Variants in CADM2 observed in about 807,000 individuals in gnomAD.
CADM2 encodes the protein immunoglobulin superfamily member 4D.
CADM2 carries 12 observed loss-of-function variants against 49.8 expected under a neutral mutation model. The ratio of observed to expected loss-of-function variants is 0.24; its 90% CI spans 0.15 to 0.39. The LOEUF (loss-of-function observed/expected upper bound fraction) is 0.39, where lower values mean the gene tolerates loss of function less well. CADM2 is among the 10% of genes least tolerant of loss of function. The probability of loss-of-function intolerance (pLI) is 1.00; values close to 1 mark genes in which losing one functional copy is unlikely to be tolerated. For missense variants in CADM2, 378 were observed against 492.3 expected, an observed-to-expected ratio of 0.77 and a Z score of 2.20; for synonymous variants, 214 against 175.4, an observed-to-expected ratio of 1.22 and a Z score of -1.74.
At chr3:85,237,937 T>A (rs2042443822) in intron 1 of CADM2, among the ~76,000 whole-genome samples, 1 of 151,896 alleles carries the variant, frequency 6.6e-6, no homozygotes. Context: ...TTGGAAAGTA[T>A]CTTGGTTTCT....
At chr3:85,304,004 T>TA in intron 1 of CADM2, among the ~76,000 whole-genome samples, 1 of 152,016 alleles carries the variant, frequency 6.6e-6, no homozygotes, top group Middle Eastern at 3.4e-3. Flanking sequence ...ACAAAAGTCT[T>TA]AGAGATACAG....
chr3:85,115,189 C>A (rs2107578358), intron 1 of CADM2, among the ~76,000 whole-genome samples: 1 of 152,254 alleles, frequency 6.6e-6, no homozygotes, highest in South Asian at 2.1e-4. Flanking sequence ...TGCTACCCTA[C>A]AAGGTCTGAT....
chr3:85,511,150 G>T (rs774705905), intron 1 of CADM2, among the ~76,000 whole-genome samples: 1 of 152,032 alleles, frequency 6.6e-6, no homozygotes, highest in Non-Finnish European at 1.5e-5. Flanking sequence ...TCACCCCTAG[G>T]AAGGGACCAA....
chr3:85,762,397 C>T (rs1279402245), intron 2 of CADM2, among the ~76,000 whole-genome samples: 1 of 152,050 alleles, frequency 6.6e-6, no homozygotes, highest in Non-Finnish European at 1.5e-5. Context: ...ACATTAATTT[C>T]ACAAATTTGA....
At chr3:85,436,960 C>T (rs2036960095) in intron 1 of CADM2, among the ~76,000 whole-genome samples, 1 of 152,144 alleles carries the variant, frequency 6.6e-6, no homozygotes, top group Non-Finnish European at 1.5e-5. Context: ...TAGTATCATA[C>T]AGAACATTTT....
intron 3 of CADM2, among the ~76,000 whole-genome samples, chr3:85,856,390 T>C (rs1221821228): frequency 1.3e-5 from 2 of 152,198 alleles, no homozygotes; most frequent in South Asian, 2.1e-4. Flanking sequence ...AACGGATCTA[T>C]TGGATTTTGG....
chr3:85,999,529 G>A (rs1729879716), intron 8 of CADM2, among the ~76,000 whole-genome samples: 1 of 141,268 alleles, frequency 7.1e-6, no homozygotes. Context: ...AAAGAAAGAA[G>A]GAAGGAAGGA....
At chr3:85,967,593 T>C (rs992091156) in intron 8 of CADM2, among the ~76,000 whole-genome samples, 11 of 151,684 alleles carry the variant, frequency 7.3e-5, no homozygotes, top group African/African-American at 2.4e-4. Flanking sequence ...CATGTATTCA[T>C]GTCATGATTA....
At chr3:85,646,760 C>G (rs1177184385) in intron 1 of CADM2, among the ~76,000 whole-genome samples, 5 of 151,824 alleles carry the variant, frequency 3.3e-5, no homozygotes, top group Non-Finnish European at 1.5e-5. Context: ...TACTTGAAAA[C>G]TAGGCCAGAT....
intron 1 of CADM2, among the ~76,000 whole-genome samples, chr3:85,082,978 T>C (rs1358159413): frequency 6.6e-6 from 1 of 152,160 alleles, no homozygotes; most frequent in Non-Finnish European, 1.5e-5. Flanking sequence ...AGTTTTCATG[T>C]TTAAAATATC....
At chr3:85,758,210 T>C (rs1431327100) in intron 2 of CADM2, among the ~76,000 whole-genome samples, 2 of 152,054 alleles carry the variant, frequency 1.3e-5, no homozygotes, top group Non-Finnish European at 2.9e-5. Flanking sequence ...CAGAGCAGCT[T>C]GTAAGAACAG....
chr3:85,411,666 T>C (rs1236464302), intron 1 of CADM2, among the ~76,000 whole-genome samples: 2 of 152,168 alleles, frequency 1.3e-5, no homozygotes, highest in Non-Finnish European at 2.9e-5. Flanking sequence ...CTCTAATTTG[T>C]TGGATTACCC....
At chr3:85,210,695 C>A (rs1232115786) in intron 1 of CADM2, among the ~76,000 whole-genome samples, 1 of 152,102 alleles carries the variant, frequency 6.6e-6, no homozygotes, top group Admixed American at 6.6e-5. Context: ...TATATGCCAC[C>A]AAGCCCGGCT....
intron 8 of CADM2, among the ~76,000 whole-genome samples, chr3:86,007,725 CA>C (rs764708006): frequency 1.3e-5 from 2 of 152,130 alleles, no homozygotes; most frequent in Non-Finnish European, 1.5e-5. Context: ...CTAAAGAGTG[CA>C]ATACTATCAA....
Position 85,788,249 on chromosome 3 carries a change from A to T in CADM2, c.89-13798A>T, listed in dbSNP as rs180772752. Among the ~76,000 whole-genome samples the T allele has an allele frequency of 2.4e-3, 362 of 152,234 alleles. 1 individual carries two copies. The highest frequency in any genetic ancestry group is 8.4e-3 in the African/African-American group (350 of 41,576). On this transcript the variant is annotated intron_variant, in intron 2 of 9. Transcript: ENST00000383699. ...AAAATCCACTAAAAATGTAAAAGCAATTTCAGGAAACATTGTTATATTTAT... is the reference window on the plus strand; with the variant it reads ...AAAATCCACTAAAAATGTAAAAGCATTTTCAGGAAACATTGTTATATTTAT...
intron 1 of CADM2, among the ~76,000 whole-genome samples, chr3:85,514,022 T>C (rs1167157174): frequency 6.6e-6 from 1 of 152,090 alleles, no homozygotes; most frequent in Non-Finnish European, 1.5e-5. Context: ...CGTTAACTTC[T>C]ATAAGAATGG....
intron 7 of CADM2, among the ~76,000 whole-genome samples, chr3:85,960,959 C>G (rs1453539683): frequency 6.8e-6 from 1 of 146,966 alleles, no homozygotes; most frequent in Non-Finnish European, 1.5e-5. Context: ...AATATGAATA[C>G]TTATATATTT....
At chr3:85,533,115 C>T (rs2061353229) in intron 1 of CADM2, among the ~76,000 whole-genome samples, 4 of 152,100 alleles carry the variant, frequency 2.6e-5, no homozygotes, top group Admixed American at 1.3e-4. Flanking sequence ...ACAAGTTTAC[C>T]TATGTAACAA....
intron 1 of CADM2, among the ~76,000 whole-genome samples, chr3:85,504,604 C>T (rs1204333756): frequency 1.3e-5 from 2 of 152,214 alleles, no homozygotes; most frequent in Non-Finnish European, 2.9e-5. Context: ...AGGAGCCCAG[C>T]TGGCTTCACC....
Sources: allele counts gnomAD v4.1 joint callset (sites outside exome capture counted in the v4.1 genomes callset), GRCh38; gene constraint gnomAD v4.1.1; transcripts MANE v1.5; gene names NCBI Gene and HGNC (gene_info 2026-07-23, HGNC 2026-07-21).